The following CLVS1 variants were observed in gnomAD, a reference collection of about 807,000 sequenced individuals.
CLVS1 encodes the protein clavesin-1.
In CLVS1, 10 loss-of-function variants were observed where a neutral mutation model predicts 33.1. That is an observed-to-expected ratio of 0.30 (90% CI 0.19 to 0.51). CLVS1 has a LOEUF of 0.51. CLVS1 is among the 20% of genes least tolerant of loss of function. The pLI is 0.97. For synonymous variants in CLVS1, 163 were observed against 166.1 expected, an observed-to-expected ratio of 0.98 and a Z score of 0.14; for missense variants, 343 against 433.4, an observed-to-expected ratio of 0.79 and a Z score of 1.85.
the CLVS1 span, among the ~76,000 whole-genome samples, chr8:60,991,047 C>T: frequency 5.9e-5 from 9 of 152,044 alleles, no homozygotes; most frequent in African/African-American, 2.2e-4. Context: ...CTATCTTATG[C>T]AAAATTGAGT....
At chr8:61,452,276 A>G (rs1262297471) in intron 3 of CLVS1, among the ~76,000 whole-genome samples, 1 of 152,236 alleles carries the variant, frequency 6.6e-6, no homozygotes, top group Non-Finnish European at 1.5e-5. Flanking sequence ...ACTGTCAAGT[A>G]TTATTTAGAG....
intron 1 of CLVS1, among the ~76,000 whole-genome samples, chr8:61,059,789 C>T (rs1316715299): frequency 6.6e-6 from 1 of 150,410 alleles, no homozygotes; most frequent in Non-Finnish European, 1.5e-5. Context: ...CCAGCCAGGG[C>T]AACAGAGCGG....
intron 1 of CLVS1, among the ~76,000 whole-genome samples, chr8:61,060,289 C>A (rs1804560860): frequency 6.6e-6 from 1 of 152,110 alleles, no homozygotes; most frequent in Admixed American, 6.5e-5. Flanking sequence ...ATAAACATTT[C>A]TTGAGCACCC....
chr8:61,107,015 G>A (rs1442884227), intron 1 of CLVS1, among the ~76,000 whole-genome samples: 2 of 152,178 alleles, frequency 1.3e-5, no homozygotes, highest in East Asian at 1.9e-4. Context: ...GGTGGTTTTG[G>A]AGGGCTGTGT....
At chr8:61,003,752 G>A in the CLVS1 span, among the ~76,000 whole-genome samples, 5 of 152,082 alleles carry the variant, frequency 3.3e-5, no homozygotes, top group African/African-American at 7.2e-5. Flanking sequence ...CTATCCATTC[G>A]TTCATTCACT....
At chr8:61,436,250 T>C (rs1816326266) in intron 3 of CLVS1, among the ~76,000 whole-genome samples, 1 of 152,188 alleles carries the variant, frequency 6.6e-6, no homozygotes, top group South Asian at 2.1e-4. Context: ...ATGTATCTCA[T>C]CTTAAAACAA....
At chr8:61,280,840 A>G (rs1362665126) in intron 2 of CLVS1, among the ~76,000 whole-genome samples, 1 of 152,098 alleles carries the variant, frequency 6.6e-6, no homozygotes, top group Admixed American at 6.5e-5. Flanking sequence ...GTTGCATCAC[A>G]TGGTCTTGAA....
At chr8:61,058,381 A>C (rs1376205428) in intron 1 of CLVS1, among the ~76,000 whole-genome samples, 1 of 152,206 alleles carries the variant, frequency 6.6e-6, no homozygotes, top group Non-Finnish European at 1.5e-5. Flanking sequence ...TCTTGACAGG[A>C]ACCTTTCTTT....
intron 1 of CLVS1, among the ~76,000 whole-genome samples, chr8:61,290,794 T>C (rs550472751): frequency 6.6e-6 from 1 of 152,268 alleles, no homozygotes; most frequent in Non-Finnish European, 1.5e-5. Context: ...CTATATGCAA[T>C]CAGTCCAGAA....
chr8:61,448,649 A>C (rs1816841207), intron 3 of CLVS1, among the ~76,000 whole-genome samples: 1 of 151,784 alleles, frequency 6.6e-6, no homozygotes, highest in Non-Finnish European at 1.5e-5. Flanking sequence ...GCTGAGGCAA[A>C]AGGATCACTT....
At chr8:61,418,201 T>G (rs1815517943) in intron 3 of CLVS1, among the ~76,000 whole-genome samples, 1 of 152,180 alleles carries the variant, frequency 6.6e-6, no homozygotes, top group African/African-American at 2.4e-5. Flanking sequence ...ATTAATTTTT[T>G]TAATGTAAAA....
intron 2 of CLVS1, among the ~76,000 whole-genome samples, chr8:61,171,690 AG>A (rs1807003926): frequency 6.6e-6 from 1 of 152,340 alleles, no homozygotes; most frequent in South Asian, 2.1e-4. Flanking sequence ...TGAGTGCACA[AG>A]GGGATAAAAG....
chr8:61,310,697 A>G (rs889783823), intron 2 of CLVS1, among the ~76,000 whole-genome samples: 1 of 152,266 alleles, frequency 6.6e-6, no homozygotes, highest in African/African-American at 2.4e-5. Context: ...ATCTGACAAT[A>G]GGAACAGTGA....
chr8:61,316,635 TATCTC>T (rs1226581091), intron 2 of CLVS1, among the ~76,000 whole-genome samples: 1 of 152,232 alleles, frequency 6.6e-6, no homozygotes. Flanking sequence ...CATTAAAAAT[TATCTC>T]ATCACTTAGA....
chr8:61,426,828 G>A (rs1402815254), intron 3 of CLVS1, among the ~76,000 whole-genome samples: 1 of 152,164 alleles, frequency 6.6e-6, no homozygotes, highest in Non-Finnish European at 1.5e-5. Context: ...TCCATAGGCT[G>A]TGAGCTCCTC....
At chr8:61,281,626 G>C (rs754046217) in intron 2 of CLVS1, among the ~76,000 whole-genome samples, 2 of 152,118 alleles carry the variant, frequency 1.3e-5, no homozygotes, top group Non-Finnish European at 1.5e-5. Context: ...GTATTTTGTC[G>C]TGGCAACCCT....
intron 2 of CLVS1, among the ~76,000 whole-genome samples, chr8:61,174,817 T>C (rs1188778139): frequency 6.6e-6 from 1 of 152,186 alleles, no homozygotes; most frequent in Non-Finnish European, 1.5e-5. Context: ...CAAAATGACA[T>C]GGTGAAATGT....
chr8:61,363,526 C>G (rs761202546), intron 2 of CLVS1, among the ~76,000 whole-genome samples: 22 of 152,162 alleles, frequency 1.4e-4, no homozygotes, highest in Non-Finnish European at 2.9e-4. Context: ...TCTTTCACCA[C>G]TTTCATAAAA....
At chr8:61,476,748 G>A (rs1817951258) in intron 5 of CLVS1, among the ~76,000 whole-genome samples, 1 of 152,130 alleles carries the variant, frequency 6.6e-6, no homozygotes, top group Admixed American at 6.6e-5. Flanking sequence ...TTCAAACAGG[G>A]ACAATTTGAC....
Sources: gnomAD v4.1 joint callset for allele counts (sites outside exome capture counted in the v4.1 genomes callset) on GRCh38, gnomAD v4.1.1 for gene constraint, MANE v1.5 for transcripts, NCBI Gene and HGNC (gene_info 2026-07-23, HGNC 2026-07-21) for gene names.